The following CD2AP variants were observed in gnomAD, a reference collection of about 807,000 sequenced individuals.
CD2AP encodes CD2 associated protein.
In CD2AP, 46 loss-of-function variants were observed where a neutral mutation model predicts 85.1. The observed-to-expected ratio is 0.54, with a 90% CI of 0.43 to 0.69. CD2AP has a LOEUF of 0.69. Among genes scored for constraint, CD2AP ranks in the 30% least tolerant of loss-of-function variants. The pLI is 0.00. For synonymous variants in CD2AP, 255 were observed against 252.9 expected, an observed-to-expected ratio of 1.01 and a Z score of -0.08; for missense variants, 769 against 729.5, an observed-to-expected ratio of 1.05 and a Z score of -0.62.
chr6:47,589,549 T>C (rs1422029162), intron 11 of CD2AP, among the ~76,000 whole-genome samples: 15 of 78,596 alleles, frequency 1.9e-4, no homozygotes, highest in African/African-American at 4.5e-4. Flanking sequence ...TACACATATA[T>C]ATACACACAC....
intron 3 of CD2AP, among the ~76,000 whole-genome samples, chr6:47,543,073 C>A (rs1767262395): frequency 7.2e-6 from 1 of 139,104 alleles, no homozygotes; most frequent in Admixed American, 8.1e-5. Context: ...ATCGCTTGAA[C>A]TCGGGAGGTG....
intron 9 of CD2AP, among the ~76,000 whole-genome samples, chr6:47,580,584 A>C (rs1425887551): frequency 6.6e-6 from 1 of 152,152 alleles, no homozygotes; most frequent in South Asian, 2.1e-4. Context: ...AGAGCAGAAC[A>C]TTTTTGCTCA....
At chr6:47,588,748 G>A (rs1768696357) in intron 11 of CD2AP, among the ~76,000 whole-genome samples, 1 of 152,048 alleles carries the variant, frequency 6.6e-6, no homozygotes, top group Non-Finnish European at 1.5e-5. Context: ...TCTTCAGACT[G>A]TCTCCTCTTG....
chr6:47,569,578 C>G (rs1003304300), intron 5 of CD2AP, among the ~76,000 whole-genome samples: 3 of 151,030 alleles, frequency 2.0e-5, no homozygotes, highest in Non-Finnish European at 4.4e-5. Flanking sequence ...TTTAAGAAAC[C>G]CTGATGGATT....
At chr6:47,486,897 T>G (rs965245508) in intron 1 of CD2AP, among the ~76,000 whole-genome samples, 1 of 152,170 alleles carries the variant, frequency 6.6e-6, no homozygotes, top group South Asian at 2.1e-4. Flanking sequence ...GGTTAGAGTG[T>G]TTTTGGGGGA....
intron 2 of CD2AP, among the ~76,000 whole-genome samples, chr6:47,530,603 T>G (rs1240568934): frequency 6.6e-6 from 1 of 152,234 alleles, no homozygotes; most frequent in Non-Finnish European, 1.5e-5. Context: ...TTTGAGTTTT[T>G]GGATATTTAT....
At chr6:47,532,833 G>T (rs1357336398) in intron 2 of CD2AP, among the ~76,000 whole-genome samples, 1 of 152,124 alleles carries the variant, frequency 6.6e-6, no homozygotes, top group Admixed American at 6.5e-5. Context: ...TTTTAAGGGA[G>T]AACTGATATA....
In CD2AP at chr6:47,581,711, T is replaced by G. The variant is rs550252451; in HGVS notation, c.1046-292T>G. On this transcript the variant is annotated intron_variant, in intron 10 of 17. Transcript: ENST00000359314. Reference sequence around the variant, plus strand: ...TGTTCAGTAGTCACATGTTGGATACTGAAAAAATAGAATGTTTTCATCACC... The same window carrying G: ...TGTTCAGTAGTCACATGTTGGATACGGAAAAAATAGAATGTTTTCATCACC... 9.3e-4 allele frequency among the ~76,000 whole-genome samples: 142 copies of G among 152,312 alleles called. No homozygotes were observed. The South Asian group carries it at 0.011, about 11-fold the overall frequency.
Position 47,612,493 on chromosome 6 carries a change from G to A in CD2AP, c.1835G>A (p.Arg612Gln), listed in dbSNP as rs756452107. The change falls in exon 17 of 18, where the codon CGA becomes CAA. Residue 612 changes from arginine (R) to glutamine (Q), a missense_variant. Transcript: ENST00000359314. ...KDHGKELEKL[R>Q]KDLEEEKTMR... ...TTTAGGAAAGAACTGGAAAAACTGC[G>A]AAAAGATTTGGAAGAAGAGAAGACA... 5.4e-5 allele frequency: 86 copies of A among 1,605,698 alleles called. 1 individual carries two copies. Among genetic ancestry groups the A allele is most frequent in the Admixed American group, 1.0e-4 (6 of 59,916 alleles).
At chr6:47,493,411 T>C (rs1391912397) in intron 1 of CD2AP, among the ~76,000 whole-genome samples, 6 of 151,988 alleles carry the variant, frequency 3.9e-5, no homozygotes, top group African/African-American at 1.4e-4. Flanking sequence ...GCCTTCATGT[T>C]TTCTGATGAG....
At chr6:47,516,975 A>C (rs890775790) in intron 2 of CD2AP, among the ~76,000 whole-genome samples, 3 of 152,186 alleles carry the variant, frequency 2.0e-5, no homozygotes, top group African/African-American at 7.2e-5. Context: ...TCTCATGTTG[A>C]AATGTGATTC....
At chr6:47,606,031 C>T (rs1181289179) in intron 13 of CD2AP, 134 bp from the exon 14 acceptor site, 1 of 611,210 alleles carries the variant, frequency 1.6e-6, no homozygotes, top group Admixed American at 2.8e-5. Flanking sequence ...ATGAAAAGCA[C>T]AGGTCAATTT....
chr6:47,528,050 G>A (rs1726265288), intron 2 of CD2AP, among the ~76,000 whole-genome samples: 1 of 152,156 alleles, frequency 6.6e-6, no homozygotes, highest in Non-Finnish European at 1.5e-5. Flanking sequence ...ATTCAATAGT[G>A]TGATTCAGAT....
chr6:47,589,315 G>A (rs1292255352), intron 11 of CD2AP, among the ~76,000 whole-genome samples: 6 of 146,986 alleles, frequency 4.1e-5, no homozygotes, highest in African/African-American at 7.5e-5. Flanking sequence ...GTAAGAATGC[G>A]AAGAGAGCTT....
At chr6:47,571,165 G>T (rs1428330634) in intron 5 of CD2AP, among the ~76,000 whole-genome samples, 1 of 151,972 alleles carries the variant, frequency 6.6e-6, no homozygotes, top group Admixed American at 6.6e-5. Context: ...TTTTAGATAT[G>T]CACCTAATAT....
intron 11 of CD2AP, among the ~76,000 whole-genome samples, chr6:47,589,534 A>ATATGTATGTACACATATATACACATATG (rs35220917): frequency 7.2e-6 from 1 of 138,354 alleles, no homozygotes; most frequent in Non-Finnish European, 1.6e-5. Flanking sequence ...ATATATACAC[A>ATATGTATGTACACATATATACACATATG]TATGTACACA....
At chr6:47,526,844 C>A (rs1156401653) in intron 2 of CD2AP, among the ~76,000 whole-genome samples, 1 of 152,044 alleles carries the variant, frequency 6.6e-6, no homozygotes, top group Non-Finnish European at 1.5e-5. Flanking sequence ...ACAGGAGAAT[C>A]CAAAATGAGC....
intron 1 of CD2AP, among the ~76,000 whole-genome samples, chr6:47,484,083 A>G (rs1765509676): frequency 6.6e-6 from 1 of 151,994 alleles, no homozygotes; most frequent in African/African-American, 2.4e-5. Context: ...TTTTTTTGGT[A>G]ATGTGTACCT....
rs747790781 is a variant in CD2AP, at chr6:47,624,223, C to T, written c.1916C>T (p.Ser639Phe). The T allele has an allele frequency of 4.3e-6, 7 of 1,611,658 alleles. No individual in the cohort carries two copies. Among genetic ancestry groups the T allele is most frequent in the Non-Finnish European group, 5.9e-6 (7 of 1,178,090 alleles). ...AAGCTGAAAAAAGCTGTCCTGTCTTCTTGAGTGGTGTGGACCTGGTGTTCA... is the reference window on the plus strand; with the variant it reads ...AAGCTGAAAAAAGCTGTCCTGTCTTTTTGAGTGGTGTGGACCTGGTGTTCA... ...IEKLKKAVLSS is the reference protein window; with the variant it reads ...IEKLKKAVLSF The change falls in exon 18 of 18, where the codon TCT becomes TTT. Residue 639 changes from serine (S) to phenylalanine (F), a missense_variant. Ser to Phe is a radical substitution (Grantham distance 155). Coordinates refer to ENST00000359314, the MANE Select transcript of CD2AP (RefSeq NM_012120.3).
Sources: allele counts gnomAD v4.1 joint callset (sites outside exome capture counted in the v4.1 genomes callset), GRCh38; gene constraint gnomAD v4.1.1; transcripts MANE v1.5; gene names NCBI Gene and HGNC (gene_info 2026-07-23, HGNC 2026-07-21).